The following ANKRD30B variants were observed in gnomAD, a reference collection of about 807,000 sequenced individuals.
ANKRD30B encodes the protein ankyrin repeat domain 30B, also known as ankyrin repeat domain-containing protein 30B.
In ANKRD30B, 144 loss-of-function variants were observed where a neutral mutation model predicts 202.2. The observed-to-expected ratio is 0.71, with a 90% CI of 0.62 to 0.82. ANKRD30B has a LOEUF of 0.82. Ranked by LOEUF, ANKRD30B falls within the 40% of genes least tolerant of loss-of-function variation. The probability of loss-of-function intolerance (pLI) is 0.00; values close to 1 mark genes in which losing one functional copy is unlikely to be tolerated. For synonymous variants in ANKRD30B, 508 were observed against 561.3 expected (o/e 0.91, Z 1.34); for missense variants, 1,487 against 1,669.1 (o/e 0.89, Z 1.90).
At chr18:14,867,222 C>T in the ANKRD30B span, among the ~76,000 whole-genome samples, 31 of 141,842 alleles carry the variant, frequency 2.2e-4, no homozygotes, top group African/African-American at 5.7e-4. Flanking sequence ...GTGTCCACCA[C>T]GGGTGGTTTG....
At chr18:14,800,012 C>T (rs976787455) in intron 22 of ANKRD30B, among the ~76,000 whole-genome samples, 7 of 151,876 alleles carry the variant, frequency 4.6e-5, no homozygotes, top group Non-Finnish European at 1.0e-4. Context: ...GGGCAGATTA[C>T]TTAAGGTCAG....
chr18:14,799,251 C>A lies in ANKRD30B; in HGVS notation c.2087C>A (p.Pro696Gln). The A allele has an allele frequency of 6.4e-7, 1 of 1,556,270 alleles. No individual in the cohort carries two copies. Among genetic ancestry groups the A allele is most frequent in the South Asian group, 1.2e-5 (1 of 84,386 alleles). Residue 696 changes from proline to glutamine, a missense_variant, in exon 22 of 44, where the codon CCA becomes CAA. Transcript: ENST00000690538. ...KPTCGRKVSL[P>Q]NKALELKDRE... The stretch of plus-strand genomic sequence containing the variant: ...ACCTGTGGAAGGAAAGTTTCTCTTC[C>A]AAATAAAGCTTTAGAATTGAAGGAC...
chr18:14,874,607 G>A, the ANKRD30B span, among the ~76,000 whole-genome samples: 2 of 151,976 alleles, frequency 1.3e-5, no homozygotes, highest in African/African-American at 4.8e-5. Flanking sequence ...AAAAAAAAGT[G>A]TTTACAGACC....
chr18:14,907,130 G>T, the ANKRD30B span, among the ~76,000 whole-genome samples: 4 of 152,050 alleles, frequency 2.6e-5, no homozygotes, highest in Non-Finnish European at 4.4e-5. Flanking sequence ...TCAGACTTAT[G>T]GTCTGTGTTG....
the ANKRD30B span, among the ~76,000 whole-genome samples, chr18:14,860,270 G>GATGGGCAGCA: frequency 7.1e-6 from 1 of 141,704 alleles, no homozygotes; most frequent in African/African-American, 2.6e-5. Flanking sequence ...CTTCCCAGAT[G>GATGGGCAGCA]GGGTGGCGGT....
At chr18:14,832,982 G>A (rs2143106761) in intron 34 of ANKRD30B, among the ~76,000 whole-genome samples, 1 of 152,284 alleles carries the variant, frequency 6.6e-6, no homozygotes, top group East Asian at 1.9e-4. Context: ...TGTCGCCCAG[G>A]TTGTAGTGCA....
the ANKRD30B span, among the ~76,000 whole-genome samples, chr18:14,899,984 A>G: frequency 6.6e-6 from 1 of 152,290 alleles, no homozygotes; most frequent in Admixed American, 6.5e-5. Context: ...TCATCTTTCT[A>G]AATTCCAGGC....
At chr18:14,920,973 G>A in the ANKRD30B span, among the ~76,000 whole-genome samples, 3 of 152,170 alleles carry the variant, frequency 2.0e-5, no homozygotes, top group Non-Finnish European at 4.4e-5. Flanking sequence ...TGCTGATTAG[G>A]GAAACTTGAC....
In ANKRD30B at chr18:14,791,480, G is replaced by A; in HGVS notation, c.1814G>A (p.Gly605Glu). 2 of 1,607,864 alleles carry A rather than the reference G, an allele frequency of 1.2e-6. No individual in the cohort carries two copies. Among genetic ancestry groups the A allele is most frequent in the Non-Finnish European group, 1.7e-6 (2 of 1,177,582 alleles). ...THQKEFDTLS[G>E]KLEESPVKDG... ...CAAAAAGAATTCGATACCTTAAGTG[G>A]AAAATTAGAAGGTAAGAACCATTTT... The change falls in exon 16 of 44, where the codon GGA (glycine) becomes GAA (glutamate). Residue 605 changes from glycine (G) to glutamate (E), a missense_variant. Physicochemically the swap from Gly to Glu is moderately conservative, Grantham distance 98. Around this residue, in one of 6 missense-constraint regions of ANKRD30B, gnomAD observed 889 missense variants for 841.4 expected, o/e 1.06. Transcript: ENST00000690538.
intron 33 of ANKRD30B, among the ~76,000 whole-genome samples, chr18:14,828,943 T>C (rs116124290): frequency 0.016 from 2,431 of 152,318 alleles, 69 homozygotes; most frequent in African/African-American, 0.056. Context: ...GTTAATCATA[T>C]TTAGAGGCTA....
intron 37 of ANKRD30B, 136 bp from the exon 38 acceptor site, chr18:14,842,761 G>A (rs879572508): frequency 3.1e-5 from 25 of 804,418 alleles, no homozygotes; most frequent in African/African-American, 9.4e-5. Context: ...GAAACATACC[G>A]AAAGAAAACC....
chr18:14,881,625 C>T, the ANKRD30B span, among the ~76,000 whole-genome samples: 1 of 151,948 alleles, frequency 6.6e-6, no homozygotes, highest in Non-Finnish European at 1.5e-5. Context: ...TTTCTTCTTT[C>T]TCTGTCTTGT....
the ANKRD30B span, among the ~76,000 whole-genome samples, chr18:14,899,035 G>A: frequency 1.1e-4 from 17 of 151,942 alleles, no homozygotes; most frequent in Admixed American, 9.2e-4. Context: ...GACCATAAAC[G>A]TATTTTACAG....
Position 14,748,395 on chromosome 18 carries a change from C to G in ANKRD30B, c.-25C>G. 2 of 1,418,228 alleles carry G rather than the reference C, an allele frequency of 1.4e-6. No individual in the cohort carries two copies. Among genetic ancestry groups the G allele is most frequent in the African/African-American group, 2.9e-5 (2 of 68,318 alleles). 87.9% of individuals were successfully genotyped at this position (1,418,228 alleles called of 1,614,324 possible). A position where few individuals can be genotyped will look rare whatever the true frequency, so the allele number is the denominator to read the frequency against. ...GGGAAGGGCGAGCGGGAGGCGCGGG[C>G]TCTCTCTAGCAGGGGGCTGCAGCCA... On this transcript the variant is annotated 5_prime_UTR_variant, in exon 1 of 44. Coordinates refer to ENST00000690538, the MANE Select transcript of ANKRD30B (RefSeq NM_001367607.2).
chr18:14,938,635 G>T, the ANKRD30B span, among the ~76,000 whole-genome samples: 18 of 152,266 alleles, frequency 1.2e-4, no homozygotes, highest in Admixed American at 7.8e-4. Context: ...ACAGGACTTG[G>T]GGGATCTCTT....
chr18:14,810,285 G>A lies in ANKRD30B; in HGVS notation c.2488+105G>A, dbSNP rs1470886174. 36 of 725,250 alleles carry A rather than the reference G, an allele frequency of 5.0e-5. 5 individuals are homozygous for A. The South Asian group carries it at 7.6e-4, about 15-fold the overall frequency. The allele number at this position is 725,250 out of a possible 1,614,324, so 44.9% of individuals were successfully genotyped here. ...AGTTGTTTTCTTTTGAAAATTTGAT[G>A]GGAAAATTTGATACAAATAATGCAA... On this transcript the variant is annotated intron_variant, in intron 28 of 43. Coordinates refer to ENST00000690538, the MANE Select transcript of ANKRD30B (RefSeq NM_001367607.2).
At chr18:14,794,615 C>T (rs977413986) in intron 16 of ANKRD30B, among the ~76,000 whole-genome samples, 2 of 152,108 alleles carry the variant, frequency 1.3e-5, no homozygotes, top group Non-Finnish European at 2.9e-5. Context: ...ATTAATGAAT[C>T]GAGGACGATC....
intron 33 of ANKRD30B, among the ~76,000 whole-genome samples, chr18:14,829,553 G>T (rs1000190047): frequency 1.1e-4 from 17 of 152,146 alleles, no homozygotes; most frequent in African/African-American, 3.6e-4. Context: ...AGGAGTAAGG[G>T]TTTTACCAAA....
the ANKRD30B span, among the ~76,000 whole-genome samples, chr18:14,901,014 G>A: frequency 6.6e-6 from 1 of 152,080 alleles, no homozygotes; most frequent in Admixed American, 6.5e-5. Flanking sequence ...TACTTCAAAT[G>A]CATTCTTCAT....
Sources: allele counts gnomAD v4.1 joint callset (sites outside exome capture counted in the v4.1 genomes callset), GRCh38; gene constraint gnomAD v4.1.1; regional missense constraint gnomAD v4.1.1; transcripts MANE v1.5; gene names NCBI Gene and HGNC (gene_info 2026-07-23, HGNC 2026-07-21).